The following ATXN8OS variants were observed in gnomAD, a reference collection of about 807,000 sequenced individuals.
ATXN8OS encodes the protein ATXN8 opposite strand lncRNA.
Position 70,168,800 on chromosome 13 carries a change from T to C in ATXN8OS, n.574-953T>C, listed in dbSNP as rs565329946. 9.2e-5 allele frequency among the ~76,000 whole-genome samples: 14 copies of C among 152,212 alleles called. No homozygotes were observed. The South Asian group carries it at 2.5e-3, about 27-fold the overall frequency. ...TCATCCAGGCAAGGAGTTGGCACCATAGTGTTAAGGTCTTCCTTCAGAAAA... is the reference window on the plus strand; with the variant it reads ...TCATCCAGGCAAGGAGTTGGCACCACAGTGTTAAGGTCTTCCTTCAGAAAA... On this transcript the variant is annotated intron_variant and non_coding_transcript_variant, in intron 4 of 4. Coordinates refer to ENST00000678624, the Ensembl canonical transcript of ATXN8OS.
At chr13:70,131,743 G>C (rs566171973) in intron 3 of ATXN8OS, among the ~76,000 whole-genome samples, 5 of 152,068 alleles carry the variant, frequency 3.3e-5, no homozygotes, top group South Asian at 2.1e-4. Context: ...ATAACACTTT[G>C]GTAAGTGTGT....
intron 4 of ATXN8OS, among the ~76,000 whole-genome samples, chr13:70,147,808 C>G (rs562594885): frequency 6.6e-6 from 1 of 152,090 alleles, no homozygotes; most frequent in African/African-American, 2.4e-5. Flanking sequence ...ATGATACAGC[C>G]TCGGGAGGTT....
intron 3 of ATXN8OS, among the ~76,000 whole-genome samples, chr13:70,138,746 C>A (rs1593767796): frequency 6.6e-6 from 1 of 152,048 alleles, no homozygotes; most frequent in East Asian, 1.9e-4. Flanking sequence ...AAATTCCATA[C>A]ACTAAACAAT....
intron 2 of ATXN8OS, among the ~76,000 whole-genome samples, chr13:70,121,870 T>C (rs941948795): frequency 3.9e-5 from 6 of 151,982 alleles, no homozygotes; most frequent in African/African-American, 1.2e-4. Flanking sequence ...TATGTGCAAT[T>C]AATCGGGTCA....
chr13:70,116,526 C>A lies in ATXN8OS; in HGVS notation n.398+1228C>A, dbSNP rs150075461. On this transcript the variant is annotated intron_variant and non_coding_transcript_variant, in intron 2 of 4. Transcript: ENST00000678624. The stretch of plus-strand genomic sequence containing the variant: ...GTAATAAGTACTAGAAGCGAGTGAG[C>A]AGAAACGAAACGAGCTCTATTGGAG... Among the ~76,000 whole-genome samples the A allele has an allele frequency of 1.3e-3, 203 of 152,194 alleles. 1 individual carries two copies. The East Asian group carries it at 0.028, about 21-fold the overall frequency.
chr13:70,127,045 A>T (rs545740880), intron 2 of ATXN8OS, among the ~76,000 whole-genome samples: 1 of 151,840 alleles, frequency 6.6e-6, no homozygotes, highest in African/African-American at 2.4e-5. Context: ...CTGTCACTCT[A>T]TCTCTCTGTC....
At chr13:70,152,591 T>C (rs1028991490) in intron 4 of ATXN8OS, among the ~76,000 whole-genome samples, 2 of 152,080 alleles carry the variant, frequency 1.3e-5, no homozygotes, top group Non-Finnish European at 2.9e-5. Flanking sequence ...TAATTCATCA[T>C]GCATGATGCC....
intron 4 of ATXN8OS, among the ~76,000 whole-genome samples, chr13:70,162,681 C>T (rs536950421): frequency 6.6e-6 from 1 of 152,136 alleles, no homozygotes; most frequent in Non-Finnish European, 1.5e-5. Context: ...TATTAGGCCT[C>T]ACAATCTCAA....
rs769661884 is a variant in ATXN8OS at position 70,163,872 on chromosome 13, C to T, written n.574-5881C>T. On this transcript the variant is annotated intron_variant and non_coding_transcript_variant, in intron 4 of 4. Coordinates refer to ENST00000678624, the Ensembl canonical transcript of ATXN8OS. Reference sequence around the variant, plus strand: ...CTTCTTGTTTTAGAACTTTAACACTCAAGGGAAATCATGGTTTTTTTTTTA... The same window carrying T: ...CTTCTTGTTTTAGAACTTTAACACTTAAGGGAAATCATGGTTTTTTTTTTA... Among the ~76,000 whole-genome samples the T allele has an allele frequency of 1.6e-3, 244 of 149,318 alleles. 3 individuals are homozygous for T. Among genetic ancestry groups the T allele is most frequent in the Non-Finnish European group, 2.8e-4 (19 of 67,516 alleles).
chr13:70,145,396 T>C (rs1446128530), intron 3 of ATXN8OS, among the ~76,000 whole-genome samples: 3 of 151,780 alleles, frequency 2.0e-5, no homozygotes, highest in Non-Finnish European at 4.4e-5. Context: ...AGAAAGTCAT[T>C]GGTAGCTTGA....
chr13:70,139,359 A>ACTACTACTACTACTACTGCTG, intron 3 of ATXN8OS: 1 of 571,938 alleles, frequency 1.7e-6, no homozygotes, highest in Non-Finnish European at 2.9e-6. Context: ...CTTTACTACT[A>ACTACTACTACTACTACTGCTG]CTACTACTAC....
rs571784967 is a variant in ATXN8OS, at chr13:70,119,405, C to G, written n.398+4107C>G. 5.3e-5 allele frequency among the ~76,000 whole-genome samples: 8 copies of G among 152,108 alleles called. No homozygotes were observed. The South Asian group carries it at 1.7e-3, about 32-fold the overall frequency. On this transcript the variant is annotated intron_variant and non_coding_transcript_variant, in intron 2 of 4. Coordinates refer to ENST00000678624, the Ensembl canonical transcript of ATXN8OS. ...TAACTCTTAAAGTTGCTTACTTTCT[C>G]TTATAAGATTGTCTTTCTCTGACCC...
At chr13:70,159,986 A>C (rs1888983962) in intron 4 of ATXN8OS, among the ~76,000 whole-genome samples, 1 of 152,184 alleles carries the variant, frequency 6.6e-6, no homozygotes, top group Non-Finnish European at 1.5e-5. Flanking sequence ...ACCTGCTATA[A>C]ATTCACATGT....
chr13:70,135,387 T>G (rs1888597362), intron 3 of ATXN8OS, among the ~76,000 whole-genome samples: 1 of 152,136 alleles, frequency 6.6e-6, no homozygotes, highest in Non-Finnish European at 1.5e-5. Context: ...CTGTTCTCAT[T>G]AATTATTGTG....
rs1207052529 is a variant in ATXN8OS, at chr13:70,164,049, TTTATTCTTATTATTATTATTATTA to T, written n.574-5698_574-5675del. On this transcript the variant is annotated intron_variant and non_coding_transcript_variant, in intron 4 of 4. Coordinates refer to ENST00000678624, the Ensembl canonical transcript of ATXN8OS. ...CTCCTAGAATTGTAAGCTGGAAGTTTTTATTCTTATTATTATTATTATTATTATTATTATTATTATTATTATCCT... is the reference window on the plus strand; with the variant it reads ...CTCCTAGAATTGTAAGCTGGAAGTTTTTATTATTATTATTATTATTATCCT... Among the ~76,000 whole-genome samples, 11 of 140,500 alleles carry T rather than the reference TTTATTCTTATTATTATTATTATTA, an allele frequency of 7.8e-5. No individual in the cohort carries two copies. The East Asian group carries it at 8.2e-4, about 11-fold the overall frequency. 92.2% of individuals were successfully genotyped at this position (140,500 alleles called of 152,430 possible). A position where few individuals can be genotyped will look rare whatever the true frequency, so the allele number is the denominator to read the frequency against.
Position 70,153,935 on chromosome 13 carries a change from C to T in ATXN8OS, n.573+6507C>T, listed in dbSNP as rs569842331. Among the ~76,000 whole-genome samples the T allele has an allele frequency of 2.6e-5, 4 of 152,248 alleles. No homozygotes were observed. In the East Asian group the frequency reaches 7.7e-4, roughly 29 times the overall value. On this transcript the variant is annotated intron_variant and non_coding_transcript_variant, in intron 4 of 4. Transcript: ENST00000678624. ...CTCCTAGACTCAAGCAATCTGCCCA[C>T]CTCAGCCTCACAAAGTGTTGGGATT...
chr13:70,113,929 C>T (rs932985189), intron 1 of ATXN8OS, among the ~76,000 whole-genome samples: 70 of 152,240 alleles, frequency 4.6e-4, no homozygotes, highest in Non-Finnish European at 9.0e-4. Flanking sequence ...TTCAAATGCT[C>T]TTTTTCCCAC....
chr13:70,117,775 C>T (rs1180214838), intron 2 of ATXN8OS, among the ~76,000 whole-genome samples: 3 of 152,016 alleles, frequency 2.0e-5, no homozygotes, highest in African/African-American at 7.2e-5. Context: ...ACAAGTAGCA[C>T]ATTGTTGGTG....
chr13:70,166,798 A>G (rs1477923336), intron 4 of ATXN8OS, among the ~76,000 whole-genome samples: 1 of 152,130 alleles, frequency 6.6e-6, no homozygotes, highest in African/African-American at 2.4e-5. Context: ...TCCAGAATCT[A>G]CAATGAACTC....
Sources: allele counts gnomAD v4.1 joint callset (sites outside exome capture counted in the v4.1 genomes callset), GRCh38; gene constraint gnomAD v4.1.1; transcripts MANE v1.5; gene names NCBI Gene and HGNC (gene_info 2026-07-23, HGNC 2026-07-21).